NEU3: variants seen among roughly 807,000 people sequenced by gnomAD.
The protein encoded by NEU3 is sialidase-3.
Under a neutral mutation model 11.4 loss-of-function variants are expected in NEU3, and 10 were observed. That is an observed-to-expected ratio of 0.88 (90% CI 0.54 to 1.49). NEU3 has a LOEUF of 1.49. Among genes scored for constraint, NEU3 ranks in the 40% most tolerant of loss-of-function variants. The probability of loss-of-function intolerance (pLI) is 0.00; values close to 1 mark genes in which losing one functional copy is unlikely to be tolerated. For missense variants in NEU3, 529 were observed against 581.8 expected (o/e 0.91, Z 0.93); for synonymous variants, 212 against 228.2 (o/e 0.93, Z 0.64).
upstream of NEU3, among the ~76,000 whole-genome samples, chr11:74,987,886 CT>C (rs1256896551): frequency 6.8e-4 from 57 of 83,284 alleles, no homozygotes; most frequent in Admixed American, 1.7e-3. Flanking sequence ...GGTTCTAGGC[CT>C]TTTTTTTTTT....
chr11:75,005,543 A>G lies in NEU3; in HGVS notation c.437A>G (p.Glu146Gly). Reference sequence around the variant, plus strand: ...ATCTGTGTGCGGGGCCATGTCACAGAGCGTCAACAGATTGTGTCAGGCAGG... The same window carrying G: ...ATCTGTGTGCGGGGCCATGTCACAGGGCGTCAACAGATTGTGTCAGGCAGG... ...FFICVRGHVT[E>G]RQQIVSGRNA... The change falls in exon 3 of 3, where the codon GAG becomes GGG. Residue 146 changes from glutamate (E) to glycine (G), a missense_variant. Physicochemically the swap from Glu to Gly is moderately conservative, Grantham distance 98. Coordinates refer to ENST00000294064, the MANE Select transcript of NEU3 (RefSeq NM_006656.6). 1 of 1,613,948 alleles carries G rather than the reference A, an allele frequency of 6.2e-7. No homozygotes were observed. Among genetic ancestry groups the G allele is most frequent in the South Asian group, 1.1e-5 (1 of 91,074 alleles).
Position 75,005,651 on chromosome 11 carries a change from T to C in NEU3, c.545T>C (p.Ile182Thr), listed in dbSNP as rs200654650. ...SEVRDLTEEVIGSELKHWATF... is the reference protein window; with the variant it reads ...SEVRDLTEEVTGSELKHWATF... ...GTGAGGGACTTGACTGAGGAGGTCA[T>C]TGGCTCAGAGCTGAAGCACTGGGCC... Residue 182 changes from isoleucine to threonine, a missense_variant, in exon 3 of 3, where the codon ATT (isoleucine) becomes ACT (threonine). Coordinates refer to ENST00000294064, the MANE Select transcript of NEU3 (RefSeq NM_006656.6). 9.9e-6 allele frequency: 16 copies of C among 1,613,878 alleles called. No individual in the cohort carries two copies. The highest frequency in any genetic ancestry group is 4.0e-5 in the African/African-American group (3 of 74,912).
intron 1 of NEU3, among the ~76,000 whole-genome samples, chr11:74,991,685 A>G (rs1052453269): frequency 3.3e-5 from 5 of 152,064 alleles, no homozygotes; most frequent in Non-Finnish European, 5.9e-5. Flanking sequence ...ACTCCACCTT[A>G]CTGTAGTCAC....
downstream of NEU3, among the ~76,000 whole-genome samples, chr11:75,012,556 A>G (rs1181912044): frequency 6.6e-6 from 1 of 152,232 alleles, no homozygotes; most frequent in East Asian, 1.9e-4. Flanking sequence ...TAGATAGTAG[A>G]GTATTAAACC....
chr11:75,003,248 A>G (rs958394024), intron 2 of NEU3, among the ~76,000 whole-genome samples: 4 of 152,086 alleles, frequency 2.6e-5, no homozygotes, highest in Non-Finnish European at 5.9e-5. Context: ...CAGGCCTTCA[A>G]GTTTTGTCCT....
chr11:74,986,301 A>G (rs1948665003), upstream of NEU3, among the ~76,000 whole-genome samples: 1 of 152,192 alleles, frequency 6.6e-6, no homozygotes, highest in Non-Finnish European at 1.5e-5. Context: ...GGACACATCT[A>G]ATACAGGTAG....
intron 1 of NEU3, 64 bp downstream of exon 1, chr11:74,989,218 C>A: frequency 7.5e-7 from 1 of 1,327,880 alleles, no homozygotes; most frequent in Non-Finnish European, 1.1e-6. Context: ...ACAGGTTGAG[C>A]AAGACCATCT....
At chr11:75,002,326 A>G (rs1488059689) in intron 2 of NEU3, among the ~76,000 whole-genome samples, 4 of 152,242 alleles carry the variant, frequency 2.6e-5, no homozygotes, top group African/African-American at 9.6e-5. Flanking sequence ...GCGCCTGCTT[A>G]ATCTGTTTTG....
chr11:74,997,197 A>G (rs1948797520), intron 2 of NEU3, among the ~76,000 whole-genome samples: 1 of 152,232 alleles, frequency 6.6e-6, no homozygotes, highest in Admixed American at 6.5e-5. Context: ...TGGTGTAGCC[A>G]CCTTTGTCAG....
rs1243314054 is a variant in NEU3 at position 75,006,590 on chromosome 11, T to A, written c.*98T>A. ...CAGATAATCAAAAAACTTAATATTC[T>A]GTTCCCTACCTTTTTTCACTTTTCC... On this transcript the variant is annotated 3_prime_UTR_variant, in exon 3 of 3. Coordinates refer to ENST00000294064, the MANE Select transcript of NEU3 (RefSeq NM_006656.6). The A allele has an allele frequency of 1.9e-5, 26 of 1,390,002 alleles. No homozygotes were observed. Among genetic ancestry groups the A allele is most frequent in the Non-Finnish European group, 2.3e-5 (24 of 1,043,500 alleles). The allele number at this position is 1,390,002 out of a possible 1,614,324, so 86.1% of individuals were successfully genotyped here. A position where few individuals can be genotyped will look rare whatever the true frequency, so the allele number is the denominator to read the frequency against.
At chr11:74,988,284 G>T (rs942974755), upstream of NEU3, 1 of 152,146 alleles carries the variant, frequency 6.6e-6, no homozygotes, top group Non-Finnish European at 1.5e-5. Context: ...ATCCTCCCAC[G>T]TAGGCCTTCC....
At chr11:74,985,243 A>G (rs1231896162), upstream of NEU3, among the ~76,000 whole-genome samples, 3 of 152,218 alleles carry the variant, frequency 2.0e-5, no homozygotes, top group Non-Finnish European at 4.4e-5. Flanking sequence ...TTAAAGAATA[A>G]TAAGATGAAT....
chr11:75,017,404 G>C (rs1446568877), intron 3 of NEU3, among the ~76,000 whole-genome samples: 1 of 152,198 alleles, frequency 6.6e-6, no homozygotes, highest in African/African-American at 2.4e-5. Flanking sequence ...TTTGAGCAGG[G>C]CTGCTACTGT....
At position 75,007,868 on chromosome 11, in the gene NEU3, A is replaced by C. The variant is rs772388702; in HGVS notation, c.*1376A>C. 1 of 152,288 alleles carries C rather than the reference A, an allele frequency of 6.6e-6. No homozygotes were observed. The highest frequency in any genetic ancestry group is 1.5e-5 in the Non-Finnish European group (1 of 68,012). The allele number at this position is 152,288 out of a possible 1,614,324, so 9.4% of individuals were successfully genotyped here. Reference sequence around the variant, plus strand: ...GAGTCTAATGCTTAAACTGGTATCAACTAAATATATTTGGTGTTGTACAAT... The same window carrying C: ...GAGTCTAATGCTTAAACTGGTATCACCTAAATATATTTGGTGTTGTACAAT... On this transcript the variant is annotated 3_prime_UTR_variant, in exon 3 of 3. Transcript: ENST00000294064.
chr11:74,982,006 A>G, the NEU3 span, among the ~76,000 whole-genome samples: 2 of 151,804 alleles, frequency 1.3e-5, no homozygotes, highest in African/African-American at 4.8e-5. Flanking sequence ...GGCAGGAGGC[A>G]GAAAAGATGT....
chr11:75,011,880 C>T (rs1028584084), downstream of NEU3, among the ~76,000 whole-genome samples: 1 of 152,058 alleles, frequency 6.6e-6, no homozygotes, highest in Non-Finnish European at 1.5e-5. Context: ...CCTCTATTGC[C>T]TCAAGAAGCC....
At chr11:74,987,113 A>G (rs1057288714), upstream of NEU3, among the ~76,000 whole-genome samples, 2 of 152,188 alleles carry the variant, frequency 1.3e-5, no homozygotes, top group African/African-American at 4.8e-5. Flanking sequence ...ATGAAATTCT[A>G]TCATTCATTT....
Position 75,009,734 on chromosome 11 carries a change from C to T in NEU3, c.*3242C>T, listed in dbSNP as rs1342770831. 1 of 152,276 alleles carries T rather than the reference C, an allele frequency of 6.6e-6. No individual in the cohort carries two copies. The highest frequency in any genetic ancestry group is 2.4e-5 in the African/African-American group (1 of 41,432). 9.4% of individuals were successfully genotyped at this position (152,276 alleles called of 1,614,324 possible). A position where few individuals can be genotyped will look rare whatever the true frequency, so the allele number is the denominator to read the frequency against. ...GTGCAGGAAGCATGGGTAGGGGCCT[C>T]CTGCTGCTGGTATGTACCCAGGCCA... is the stretch of plus-strand genomic sequence containing the variant. On this transcript the variant is annotated 3_prime_UTR_variant, in exon 3 of 3. Transcript: ENST00000294064.
intron 2 of NEU3, among the ~76,000 whole-genome samples, chr11:75,003,666 G>T (rs1948867744): frequency 6.6e-6 from 1 of 152,136 alleles, no homozygotes; most frequent in Admixed American, 6.5e-5. Flanking sequence ...GAGGCAGGCG[G>T]ATCACCTGAG....
Sources: gnomAD v4.1 joint callset for allele counts (sites outside exome capture counted in the v4.1 genomes callset) on GRCh38, gnomAD v4.1.1 for gene constraint, MANE v1.5 for transcripts, NCBI Gene and HGNC (gene_info 2026-07-23, HGNC 2026-07-21) for gene names.